The following UGDH variants were observed in gnomAD, a reference collection of about 807,000 sequenced individuals.
UGDH encodes the protein UDP-glucose 6-dehydrogenase, also known as UDP-Glc dehydrogenase.
A neutral mutation model predicts 50.6 loss-of-function variants in UGDH; 38 were observed. The ratio of observed to expected loss-of-function variants is 0.75; its 90% confidence interval spans 0.58 to 0.98. The LOEUF (loss-of-function observed/expected upper bound fraction) is 0.98, where lower values mean the gene tolerates loss of function less well. UGDH is among the 50% of genes least tolerant of loss of function. The pLI, the probability that UGDH is intolerant of heterozygous loss-of-function variation, is 0.00. For synonymous variants in UGDH, 168 were observed against 199.9 expected, an observed-to-expected ratio of 0.84 and a Z score of 1.35; for missense variants, 465 against 606.2, an observed-to-expected ratio of 0.77 and a Z score of 2.45.
At position 39,509,877 on chromosome 4, in the gene UGDH, T is replaced by A; in HGVS notation, c.694A>T (p.Ser232Cys). ...AANAFLAQRI[S>C]SINSISALCE... ...AGAGCACTTATGGAGTTAATGCTGCTTATTCTCTGGGCAAGAAAAGCATTT... is the reference window on the plus strand; with the variant it reads ...AGAGCACTTATGGAGTTAATGCTGCATATTCTCTGGGCAAGAAAAGCATTT... The change falls in exon 6 of 12, where the codon AGC becomes TGC. Residue 232 changes from serine to cysteine, a missense_variant. By Grantham distance (112) the Ser-to-Cys change is moderately radical (BLOSUM62 -1). Transcript: ENST00000316423. 1 of 1,603,024 alleles carries A rather than the reference T, an allele frequency of 6.2e-7. No individual in the cohort carries two copies. Among genetic ancestry groups the A allele is most frequent in the Non-Finnish European group, 8.5e-7 (1 of 1,177,588 alleles).
rs1404411201 is a variant in UGDH, at chr4:39,510,333, G to A, written c.663+20C>T. 1.2e-6 allele frequency: 2 copies of A among 1,611,834 alleles called. No individual in the cohort carries two copies. Among genetic ancestry groups the A allele is most frequent in the Admixed American group, 3.3e-5 (2 of 59,714 alleles). On this transcript the variant is annotated intron_variant, in intron 5 of 11. Coordinates refer to ENST00000316423, the MANE Select transcript of UGDH (RefSeq NM_003359.4). ...ATATTTGGCTTTAATTTAATGAAGA[G>A]TTGAATGCTATATACTAACCAGTTT...
chr4:39,523,311 C>T (rs1034430320), intron 1 of UGDH, among the ~76,000 whole-genome samples: 1 of 151,918 alleles, frequency 6.6e-6, no homozygotes, highest in Non-Finnish European at 1.5e-5. Flanking sequence ...CTCAGCCTCA[C>T]AAAGTGCTAG....
In UGDH at chr4:39,510,710, C is replaced by A. The variant is rs1746212370; in HGVS notation, c.416G>T (p.Ser139Ile). The part of the protein sequence containing the change: ...KSTVPVRAAE[S>I]IRRIFDANTK... The stretch of plus-strand genomic sequence containing the variant: ...GTTTGCATCAAATATGCGACGGATA[C>A]TTTCTGCTGCCCGCACTGGAACTGT... Residue 139 changes from serine to isoleucine, a missense_variant, in exon 4 of 12, where the codon AGT (serine) becomes ATT (isoleucine). Coordinates refer to ENST00000316423, the MANE Select transcript of UGDH (RefSeq NM_003359.4). 1.9e-6 allele frequency: 3 copies of A among 1,614,222 alleles called. No individual in the cohort carries two copies. Among genetic ancestry groups the A allele is most frequent in the East Asian group, 2.2e-5 (1 of 44,896 alleles).
In UGDH at chr4:39,504,405, C is replaced by A; in HGVS notation, c.1263+12G>T. 6.2e-7 allele frequency: 1 copy of A among 1,612,776 alleles called. No individual in the cohort carries two copies. The highest frequency in any genetic ancestry group is 2.2e-5 in the East Asian group (1 of 44,842). On this transcript the variant is annotated intron_variant, in intron 10 of 11. Coordinates refer to ENST00000316423, the MANE Select transcript of UGDH (RefSeq NM_003359.4). ...TCTAGAATTTTCCTTAGTATCTTTT[C>A]TGTTACCTTACCTTAAACATGTCCC...
intron 6 of UGDH, among the ~76,000 whole-genome samples, chr4:39,509,402 C>G (rs117557002): frequency 1.3e-5 from 2 of 152,230 alleles, no homozygotes; most frequent in East Asian, 3.9e-4. Flanking sequence ...CAGCCATAGA[C>G]AATATGTAGT....
intron 2 of UGDH, among the ~76,000 whole-genome samples, chr4:39,520,521 ATAGT>A (rs1340360062): frequency 1.3e-5 from 2 of 152,104 alleles, no homozygotes; most frequent in Non-Finnish European, 2.9e-5. Flanking sequence ...GCTCAGTAAA[ATAGT>A]TAGAAGCATA....
At chr4:39,513,607 G>A (rs574890101) in intron 3 of UGDH, among the ~76,000 whole-genome samples, 1 of 143,700 alleles carries the variant, frequency 7.0e-6, no homozygotes, top group South Asian at 2.2e-4. Context: ...CGCGATCTCG[G>A]CTCACTGCAA....
At chr4:39,518,106 A>G (rs1746505878) in intron 2 of UGDH, among the ~76,000 whole-genome samples, 1 of 151,696 alleles carries the variant, frequency 6.6e-6, no homozygotes, top group Non-Finnish European at 1.5e-5. Flanking sequence ...TTTTTGTATT[A>G]TTTTAGTAGA....
chr4:39,500,102 C>CAAA lies in UGDH; in HGVS notation c.*38_*40dup, dbSNP rs56814765. On this transcript the variant is annotated 3_prime_UTR_variant, in exon 12 of 12. Coordinates refer to ENST00000316423, the MANE Select transcript of UGDH (RefSeq NM_003359.4). ...ATAGATATTTGCTATCCTGAAGTAC[C>CAAA]AAAAAAAAAAAAAAAAAATCACAAA... is the stretch of plus-strand genomic sequence containing the variant. The CAAA allele has an allele frequency of 2.2e-5, 24 of 1,069,464 alleles. No individual in the cohort carries two copies. The highest frequency in any genetic ancestry group is 7.0e-5 in the African/African-American group (4 of 57,530). The allele number at this position is 1,069,464 out of a possible 1,614,324, so 66.2% of individuals were successfully genotyped here.
intron 1 of UGDH, among the ~76,000 whole-genome samples, chr4:39,522,849 G>A (rs1158658531): frequency 6.6e-6 from 1 of 150,428 alleles, no homozygotes; most frequent in Non-Finnish European, 1.5e-5. Flanking sequence ...TGCAACCTCC[G>A]TCTCCTGGGT....
intron 2 of UGDH, among the ~76,000 whole-genome samples, chr4:39,520,147 T>C (rs1472589937): frequency 6.6e-6 from 1 of 152,158 alleles, no homozygotes; most frequent in Non-Finnish European, 1.5e-5. Flanking sequence ...AAGACCACCC[T>C]GGCCAACATG....
chr4:39,506,530 CAACA>C lies in UGDH; in HGVS notation c.907-786_907-783del, dbSNP rs138415617. Among the ~76,000 whole-genome samples the C allele has an allele frequency of 8.6e-3, 1,306 of 152,304 alleles. 15 individuals are homozygous for C. Among genetic ancestry groups the C allele is most frequent in the African/African-American group, 0.03 (1,237 of 41,564 alleles). ...TCAGTTTCAGTGGAAAGTGGACAGGCAACAAACAATGTGCAGAGTTCTAGCTGCC... is the reference window on the plus strand; with the variant it reads ...TCAGTTTCAGTGGAAAGTGGACAGGCAACAATGTGCAGAGTTCTAGCTGCC... On this transcript the variant is annotated intron_variant, in intron 7 of 11. Transcript: ENST00000316423.
At position 39,519,729 on chromosome 4, in the gene UGDH, G is replaced by A. The variant is rs112790049; in HGVS notation, c.162+1622C>T. ...AATTTTTTGTATTTTTAGTAGAGACGGGCTTTCACCATGTTGGCCAGGCTG... is the reference window on the plus strand; with the variant it reads ...AATTTTTTGTATTTTTAGTAGAGACAGGCTTTCACCATGTTGGCCAGGCTG... On this transcript the variant is annotated intron_variant, in intron 2 of 11. Transcript: ENST00000316423. Among the ~76,000 whole-genome samples the A allele has an allele frequency of 3.6e-3, 544 of 151,822 alleles. 2 individuals are homozygous for A. The highest frequency in any genetic ancestry group is 0.011 in the African/African-American group (463 of 41,436).
chr4:39,513,784 C>T (rs1746339202), intron 3 of UGDH, among the ~76,000 whole-genome samples: 1 of 152,130 alleles, frequency 6.6e-6, no homozygotes, highest in South Asian at 2.1e-4. Flanking sequence ...ATCTGCCCAC[C>T]TTGGCCTCCC....
At chr4:39,519,101 G>A (rs1263862154) in intron 2 of UGDH, among the ~76,000 whole-genome samples, 1 of 152,164 alleles carries the variant, frequency 6.6e-6, no homozygotes, top group African/African-American at 2.4e-5. Context: ...ATTTTTAGTA[G>A]AGACGAGGTT....
At chr4:39,525,447 GC>G (rs1746837245) in intron 1 of UGDH, among the ~76,000 whole-genome samples, 1 of 151,768 alleles carries the variant, frequency 6.6e-6, no homozygotes, top group Non-Finnish European at 1.5e-5. Context: ...ATCCACCTTG[GC>G]CTCCCAAAGT....
At position 39,513,761 on chromosome 4, in the gene UGDH, T is replaced by C. The variant is rs546249806; in HGVS notation, c.264+322A>G. On this transcript the variant is annotated intron_variant, in intron 3 of 11. Transcript: ENST00000316423. ...CATGTTGGCCAGGATGGTCTCAATCTCTTGACCTTGTGATCTGCCCACCTT... is the reference window on the plus strand; with the variant it reads ...CATGTTGGCCAGGATGGTCTCAATCCCTTGACCTTGTGATCTGCCCACCTT... Among the ~76,000 whole-genome samples the C allele has an allele frequency of 1.2e-4, 18 of 145,168 alleles. No individual in the cohort carries two copies. The South Asian group carries it at 4.1e-3, about 33-fold the overall frequency.
At position 39,509,798 on chromosome 4, in the gene UGDH, T is replaced by A; in HGVS notation, c.773A>T (p.Asp258Val). The A allele has an allele frequency of 6.2e-7, 1 of 1,612,948 alleles. No homozygotes were observed. Among genetic ancestry groups the A allele is most frequent in the East Asian group, 2.2e-5 (1 of 44,876 alleles). Residue 258 changes from aspartate (D) to valine (V), a missense_variant, in exon 6 of 12, where the codon GAC (aspartate) becomes GTC (valine). By Grantham distance (152) the Asp-to-Val change is radical. Coordinates refer to ENST00000316423, the MANE Select transcript of UGDH (RefSeq NM_003359.4). ...TAGAAACTTGTTTCCAATTCTCTGG[T>A]CCATTCCAATCGCTGTTGCTACCTC... The part of the protein sequence containing the change: ...VEEVATAIGM[D>V]QRIGNKFLKA...
rs34122254 is a variant in UGDH at position 39,507,942 on chromosome 4, CA to C, written c.906+623del. On this transcript the variant is annotated intron_variant, in intron 7 of 11. Transcript: ENST00000316423. The stretch of plus-strand genomic sequence containing the variant: ...TGGGTGACAAAGTGAGATCTTGTCT[CA>C]AAAAAAAAAAAAAAAAAAAGAGAGA... Among the ~76,000 whole-genome samples the C allele has an allele frequency of 7.8e-3, 598 of 76,584 alleles. 4 individuals carry two copies. The highest frequency in any genetic ancestry group is 0.021 in the East Asian group (69 of 3,286). 50.2% of individuals were successfully genotyped at this position (76,584 alleles called of 152,430 possible). A position where few individuals can be genotyped will look rare whatever the true frequency, so the allele number is the denominator to read the frequency against.
Sources: gnomAD v4.1 joint callset for allele counts (sites outside exome capture counted in the v4.1 genomes callset) on GRCh38, gnomAD v4.1.1 for gene constraint, MANE v1.5 for transcripts, NCBI Gene and HGNC (gene_info 2026-07-23, HGNC 2026-07-21) for gene names.